The following ROBO1 variants were observed in gnomAD, a reference collection of about 807,000 sequenced individuals.
ROBO1 encodes roundabout homolog 1.
Under a neutral mutation model 195.9 loss-of-function variants are expected in ROBO1, and 149 were observed. The ratio of observed to expected loss-of-function variants is 0.76; its 90% confidence interval spans 0.67 to 0.87. The LOEUF (loss-of-function observed/expected upper bound fraction) is 0.87. Ranked by LOEUF, ROBO1 falls within the 40% of genes least tolerant of loss-of-function variation. The probability of loss-of-function intolerance (pLI) is 0.00; values close to 1 mark genes in which losing one functional copy is unlikely to be tolerated. For missense variants in ROBO1, 1,933 were observed against 2,068.3 expected, an observed-to-expected ratio of 0.93 and a Z score of 1.27; for synonymous variants, 816 against 733.2, an observed-to-expected ratio of 1.11 and a Z score of -1.82.
intron 8 of ROBO1, among the ~76,000 whole-genome samples, chr3:78,695,639 A>G (rs1279430398): frequency 1.1e-4 from 17 of 150,928 alleles, no homozygotes; most frequent in East Asian, 5.8e-4. Context: ...AAAAAAAAAA[A>G]AAAAGAAAAG....
chr3:78,766,950 G>GC (rs1330892457), intron 4 of ROBO1, among the ~76,000 whole-genome samples: 2 of 152,112 alleles, frequency 1.3e-5, no homozygotes, highest in Non-Finnish European at 2.9e-5. Context: ...AGCCATCCCT[G>GC]CTTCCCTGGT....
intron 2 of ROBO1, among the ~76,000 whole-genome samples, chr3:79,337,356 G>A (rs1487020734): frequency 6.6e-6 from 1 of 152,166 alleles, no homozygotes. Context: ...GGAGATAATT[G>A]AATCATGGAG....
At chr3:79,596,502 G>T (rs1397501859) in intron 1 of ROBO1, among the ~76,000 whole-genome samples, 1 of 151,886 alleles carries the variant, frequency 6.6e-6, no homozygotes, top group Non-Finnish European at 1.5e-5. Context: ...GAGGTTACAT[G>T]GAAGGCTTTT....
chr3:79,191,617 T>G (rs2081542256), intron 2 of ROBO1, among the ~76,000 whole-genome samples: 1 of 151,392 alleles, frequency 6.6e-6, no homozygotes, highest in African/African-American at 2.4e-5. Flanking sequence ...CATAAGGATA[T>G]GTATTTAGTA....
At chr3:78,614,529 T>C in intron 28 of ROBO1, 119 bp downstream of exon 28, 1 of 1,128,184 alleles carries the variant, frequency 8.9e-7, no homozygotes, top group Admixed American at 2.7e-5. Flanking sequence ...AATATGAAGC[T>C]GATTGTTAAT....
chr3:79,709,580 T>C lies in ROBO1; in HGVS notation c.-51+58172A>G, dbSNP rs191852474. On this transcript the variant is annotated intron_variant, in intron 1 of 30. Coordinates refer to ENST00000464233, the MANE Select transcript of ROBO1 (RefSeq NM_002941.4). ...CATTAATATAATAAATATACATATC[T>C]GAAGAGATATAAACTATCAATGGGT... 1.2e-4 allele frequency among the ~76,000 whole-genome samples: 18 copies of C among 152,288 alleles called. No individual in the cohort carries two copies. In the South Asian group the frequency reaches 3.1e-3, roughly 26 times the overall value.
chr3:79,331,433 A>G (rs1182324582), intron 2 of ROBO1, among the ~76,000 whole-genome samples: 1 of 152,248 alleles, frequency 6.6e-6, no homozygotes, highest in Non-Finnish European at 1.5e-5. Context: ...GTACAATGTA[A>G]TATTTAAAAC....
At chr3:79,435,851 T>C (rs755001967) in intron 2 of ROBO1, among the ~76,000 whole-genome samples, 3 of 152,202 alleles carry the variant, frequency 2.0e-5, no homozygotes, top group African/African-American at 4.8e-5. Flanking sequence ...AATTGAGCTA[T>C]CTCTAAAATA....
chr3:79,486,213 A>AT, intron 2 of ROBO1, among the ~76,000 whole-genome samples: 1 of 151,980 alleles, frequency 6.6e-6, no homozygotes, highest in East Asian at 1.9e-4. Context: ...ATTACATTTT[A>AT]TTTTTTATTT....
intron 4 of ROBO1, among the ~76,000 whole-genome samples, chr3:78,826,138 G>A (rs774249235): frequency 3.9e-5 from 6 of 152,132 alleles, no homozygotes; most frequent in Non-Finnish European, 5.9e-5. Context: ...AAATTTTCCA[G>A]AAGCACATCA....
rs117388338 is a variant in ROBO1 at position 79,726,456 on chromosome 3, T to C, written c.-51+41296A>G. 6.6e-4 allele frequency among the ~76,000 whole-genome samples: 100 copies of C among 152,346 alleles called. 1 individual carries two copies. The East Asian group carries it at 0.018, about 27-fold the overall frequency. Reference sequence around the variant, plus strand: ...AATCTATATTATAATGTCTGACATATATTTAAATAAATGCTTGATGTTGAA... The same window carrying C: ...AATCTATATTATAATGTCTGACATACATTTAAATAAATGCTTGATGTTGAA... On this transcript the variant is annotated intron_variant, in intron 1 of 30. Transcript: ENST00000464233.
chr3:78,971,730 A>G (rs994085895), intron 3 of ROBO1, among the ~76,000 whole-genome samples: 1 of 152,014 alleles, frequency 6.6e-6, no homozygotes, highest in Non-Finnish European at 1.5e-5. Flanking sequence ...TTGTACTGAC[A>G]TCTTTTAAAT....
chr3:79,158,779 T>C (rs2080902987), intron 2 of ROBO1, among the ~76,000 whole-genome samples: 1 of 151,946 alleles, frequency 6.6e-6, no homozygotes, highest in East Asian at 1.9e-4. Flanking sequence ...CTTCACTCTA[T>C]GTTCATACCA....
At chr3:78,915,662 C>T (rs868722392) in intron 4 of ROBO1, among the ~76,000 whole-genome samples, 10 of 150,350 alleles carry the variant, frequency 6.7e-5, no homozygotes, top group Admixed American at 4.6e-4. Context: ...ATTTAAAATT[C>T]CTTCCTTCCT....
At position 79,032,096 on chromosome 3, in the gene ROBO1, G is replaced by A. The variant is rs72892030; in HGVS notation, c.173-93169C>T. Among the ~76,000 whole-genome samples the A allele has an allele frequency of 7.2e-3, 1,089 of 152,158 alleles. 11 individuals are homozygous for A. Among genetic ancestry groups the A allele is most frequent in the African/African-American group, 0.025 (1,019 of 41,548 alleles). ...TTTCTAAATGCTTACCTATTTGTGT[G>A]TAGATAAGGCTTAAGAGAGGGAAAC... On this transcript the variant is annotated intron_variant, in intron 3 of 30. Coordinates refer to ENST00000464233, the MANE Select transcript of ROBO1 (RefSeq NM_002941.4).
At chr3:79,202,607 CAA>C (rs1280420799) in intron 2 of ROBO1, among the ~76,000 whole-genome samples, 22 of 98,930 alleles carry the variant, frequency 2.2e-4, no homozygotes, top group Admixed American at 2.1e-4. Context: ...TCACTCATTT[CAA>C]AAAAAAAAAA....
intron 2 of ROBO1, among the ~76,000 whole-genome samples, chr3:79,180,736 A>T (rs1576781017): frequency 6.6e-6 from 1 of 152,170 alleles, no homozygotes; most frequent in African/African-American, 2.4e-5. Flanking sequence ...TAAAGGAAAA[A>T]AGTCAGTGTT....
intron 3 of ROBO1, among the ~76,000 whole-genome samples, chr3:78,956,351 A>G (rs1055877613): frequency 3.3e-5 from 5 of 152,148 alleles, no homozygotes; most frequent in Admixed American, 2.6e-4. Context: ...ATTATTGATA[A>G]TATAATGCCT....
At chr3:78,941,817 TC>T (rs1290865847) in intron 3 of ROBO1, among the ~76,000 whole-genome samples, 1 of 152,102 alleles carries the variant, frequency 6.6e-6, no homozygotes, top group African/African-American at 2.4e-5. Flanking sequence ...ATAAATAACT[TC>T]TTGGGCTTTG....
Sources: gnomAD v4.1 joint callset for allele counts (sites outside exome capture counted in the v4.1 genomes callset) on GRCh38, gnomAD v4.1.1 for gene constraint, MANE v1.5 for transcripts, NCBI Gene and HGNC (gene_info 2026-07-23, HGNC 2026-07-21) for gene names.